The following ADAM17 variants were observed in gnomAD, a reference collection of about 807,000 sequenced individuals.
The protein encoded by ADAM17 is disintegrin and metalloproteinase domain-containing protein 17.
Under a neutral mutation model 96.7 loss-of-function variants are expected in ADAM17, and 39 were observed. The ratio of observed to expected loss-of-function variants is 0.40; its 90% CI spans 0.31 to 0.53. The LOEUF is 0.53. Among genes scored for constraint, ADAM17 ranks in the 20% least tolerant of loss-of-function variants. The pLI is 0.44. For missense variants in ADAM17, 777 were observed against 1,013.2 expected (o/e 0.77, Z 3.17); for synonymous variants, 344 against 359.2 (o/e 0.96, Z 0.48).
In ADAM17 at chr2:9,526,508, G is replaced by T. The variant is rs149201015; in HGVS notation, c.620-264C>A. ...CAGAAACTTTAAAAAGTGCTCAACA[G>T]AGTAAGGCCGGGCATGTTGGCTCAG... On this transcript the variant is annotated intron_variant, in intron 5 of 18. Transcript: ENST00000310823. Among the ~76,000 whole-genome samples the T allele has an allele frequency of 1.4e-4, 21 of 152,322 alleles. No individual in the cohort carries two copies. In the East Asian group the frequency reaches 4.1e-3, roughly 29 times the overall value.
chr2:9,512,140 G>A (rs558460725), intron 10 of ADAM17, among the ~76,000 whole-genome samples: 121 of 151,766 alleles, frequency 8.0e-4, no homozygotes, highest in African/African-American at 2.1e-3. Flanking sequence ...TATTAAAACC[G>A]TAGTGGGAAA....
At position 9,502,158 on chromosome 2, in the gene ADAM17, A is replaced by C; in HGVS notation, c.1648+15T>G. ...TTGACCCACAGCATTCCAAGGAAGCAACAAGAACACGAACCTGTGCAGTAG... is the reference window on the plus strand; with the variant it reads ...TTGACCCACAGCATTCCAAGGAAGCCACAAGAACACGAACCTGTGCAGTAG... On this transcript the variant is annotated intron_variant, in intron 13 of 18. Coordinates refer to ENST00000310823, the MANE Select transcript of ADAM17 (RefSeq NM_003183.6). 6.2e-6 allele frequency: 10 copies of C among 1,609,172 alleles called. No homozygotes were observed. The highest frequency in any genetic ancestry group is 7.7e-6 in the Non-Finnish European group (9 of 1,175,712).
rs1404884855 is a variant in ADAM17 at position 9,505,207 on chromosome 2, G to A, written c.1503C>T (p.Cys501=). The A allele has an allele frequency of 1.9e-6, 3 of 1,614,174 alleles. No individual in the cohort carries two copies. The highest frequency in any genetic ancestry group is 2.5e-6 in the Non-Finnish European group (3 of 1,180,034). Residue 501 remains cysteine (C), a synonymous_variant, in exon 12 of 19, where the codon TGC becomes TGT. Coordinates refer to ENST00000310823, the MANE Select transcript of ADAM17 (RefSeq NM_003183.6). ...CCTTCAACGTGCAGTCGCTGTTGCA[G>A]CAGGTGTCGTTGTTCAGATACATGA... is the stretch of plus-strand genomic sequence containing the variant. The part of the protein sequence containing the change: ...PGIMYLNNDT[C]CNSDCTLKEG...
intron 14 of ADAM17, chr2:9,496,251 C>T (rs1428126779): frequency 6.6e-6 from 1 of 152,306 alleles, no homozygotes; most frequent in Middle Eastern, 3.4e-3. Flanking sequence ...GCCTCAGCCT[C>T]CCTAGCAGCT....
intron 1 of ADAM17, among the ~76,000 whole-genome samples, chr2:9,545,507 T>C (rs1027359492): frequency 2.7e-5 from 4 of 148,460 alleles, no homozygotes; most frequent in African/African-American, 1.0e-4. Flanking sequence ...GAGGCGGAGG[T>C]TGCAGTGAGC....
At chr2:9,534,611 A>G (rs1468861303) in intron 4 of ADAM17, among the ~76,000 whole-genome samples, 1 of 152,218 alleles carries the variant, frequency 6.6e-6, no homozygotes, top group Non-Finnish European at 1.5e-5. Flanking sequence ...TCATATTGTT[A>G]AACGAAAAAT....
intron 5 of ADAM17, 46 bp from the exon 6 acceptor site, chr2:9,526,290 AAGG>A (rs756677892): frequency 3.2e-6 from 5 of 1,582,202 alleles, no homozygotes; most frequent in Non-Finnish European, 4.3e-6. Context: ...TCACCAAAAC[AAGG>A]AGTTTTATGG....
At chr2:9,552,367 A>C (rs1665612913) in intron 1 of ADAM17, among the ~76,000 whole-genome samples, 2 of 152,324 alleles carry the variant, frequency 1.3e-5, no homozygotes, top group Admixed American at 6.5e-5. Context: ...AATATGGTTT[A>C]TCTCTTAGAC....
chr2:9,526,662 G>A (rs1417895364), intron 5 of ADAM17, among the ~76,000 whole-genome samples: 1 of 152,092 alleles, frequency 6.6e-6, no homozygotes, highest in African/African-American at 2.4e-5. Flanking sequence ...CAGATATGGT[G>A]GCACCCGCCT....
intron 7 of ADAM17, chr2:9,522,467 G>A: frequency 1.7e-6 from 1 of 588,482 alleles, no homozygotes; most frequent in Non-Finnish European, 3.2e-6. Flanking sequence ...AACAGTGAAA[G>A]AGAATGAAAA....
chr2:9,508,549 T>A, intron 11 of ADAM17, among the ~76,000 whole-genome samples: 1 of 152,208 alleles, frequency 6.6e-6, no homozygotes, highest in East Asian at 1.9e-4. Context: ...TTTCCATCCT[T>A]CCAGTAATCT....
At chr2:9,522,336 G>A (rs1452363198) in intron 7 of ADAM17, 2 of 526,884 alleles carry the variant, frequency 3.8e-6, no homozygotes, top group Non-Finnish European at 7.0e-6. Flanking sequence ...CTAGTGACAT[G>A]AATGTCTTTG....
chr2:9,541,210 A>G (rs1254371392), intron 2 of ADAM17, among the ~76,000 whole-genome samples: 2 of 152,250 alleles, frequency 1.3e-5, no homozygotes, highest in African/African-American at 4.8e-5. Flanking sequence ...AAAATGAGGT[A>G]AATATGCTAT....
At chr2:9,490,705 T>C (rs1662062481) in intron 18 of ADAM17, among the ~76,000 whole-genome samples, 187 bp from the exon 19 acceptor site, 1 of 152,204 alleles carries the variant, frequency 6.6e-6, no homozygotes, top group African/African-American at 2.4e-5. Context: ...AAGTAATTAA[T>C]GCCATTACTT....
At chr2:9,522,397 C>A in intron 7 of ADAM17, 1 of 566,050 alleles carries the variant, frequency 1.8e-6, no homozygotes. Flanking sequence ...TTACTTTTCA[C>A]TGGCTTTTGT....
At chr2:9,513,547 G>T (rs1663859379) in intron 10 of ADAM17, among the ~76,000 whole-genome samples, 1 of 152,000 alleles carries the variant, frequency 6.6e-6, no homozygotes, top group Non-Finnish European at 1.5e-5. Context: ...GAGAGTGTTT[G>T]AATTGAATTG....
At position 9,518,258 on chromosome 2, in the gene ADAM17, CCAAA is replaced by C; in HGVS notation, c.958-15_958-12del. 1.0e-5 allele frequency: 7 copies of C among 683,912 alleles called. No individual in the cohort carries two copies. The South Asian group carries it at 2.7e-4, about 26-fold the overall frequency. 42.4% of individuals were successfully genotyped at this position (683,912 alleles called of 1,614,324 possible). A position where few individuals can be genotyped will look rare whatever the true frequency, so the allele number is the denominator to read the frequency against. On this transcript the variant is annotated splice_polypyrimidine_tract_variant and intron_variant, in intron 8 of 18. Transcript: ENST00000310823. ...ATCAAAGCTAAATTGCTTTGAAAGA[CCAAA>C]AAAAAAAAAAAAAAAAAAAGCATTC...
chr2:9,501,847 C>A (rs1282108350), intron 13 of ADAM17, among the ~76,000 whole-genome samples: 1 of 151,972 alleles, frequency 6.6e-6, no homozygotes, highest in Non-Finnish European at 1.5e-5. Context: ...GGTAGAATAT[C>A]ATTTTGGCAC....
intron 11 of ADAM17, among the ~76,000 whole-genome samples, chr2:9,508,696 T>A (rs1663557582): frequency 6.6e-6 from 1 of 152,164 alleles, no homozygotes; most frequent in South Asian, 2.1e-4. Context: ...ACTGGGCTAG[T>A]GGCTACTATA....
Sources: allele counts gnomAD v4.1 joint callset (sites outside exome capture counted in the v4.1 genomes callset), GRCh38; gene constraint gnomAD v4.1.1; transcripts MANE v1.5; gene names NCBI Gene and HGNC (gene_info 2026-07-23, HGNC 2026-07-21).